CNTN6: variants seen among roughly 807,000 people sequenced by gnomAD.
CNTN6 encodes the protein contactin 6.
In CNTN6, 137 loss-of-function variants were observed where a neutral mutation model predicts 122.8. The ratio of observed to expected loss-of-function variants is 1.12; its 90% CI spans 0.97 to 1.29. The LOEUF (loss-of-function observed/expected upper bound fraction) is 1.29. Ranked by LOEUF, CNTN6 falls within the 50% of genes most tolerant of loss-of-function variation. The pLI, the probability that CNTN6 is intolerant of heterozygous loss-of-function variation, is 0.00. For missense variants in CNTN6, 1,634 were observed against 1,223.4 expected, an observed-to-expected ratio of 1.34 and a Z score of -5.01; for synonymous variants, 570 against 426.0, an observed-to-expected ratio of 1.34 and a Z score of -4.16.
intron 1 of CNTN6, among the ~76,000 whole-genome samples, chr3:1,104,476 G>A (rs766079010): frequency 2.6e-5 from 4 of 151,982 alleles, no homozygotes; most frequent in Admixed American, 6.5e-5. Flanking sequence ...ATTCATTTTC[G>A]TCAAGTGAAT....
chr3:1,102,597 C>CT (rs1553589759), intron 1 of CNTN6, among the ~76,000 whole-genome samples: 1 of 147,578 alleles, frequency 6.8e-6, no homozygotes, highest in African/African-American at 2.5e-5. Context: ...GGCGTGGTGG[C>CT]GGCGCCTGTA....
intron 5 of CNTN6, among the ~76,000 whole-genome samples, chr3:1,282,274 GT>G (rs11324894): frequency 0.31 from 46,390 of 152,060 alleles, 8,032 homozygotes; most frequent in East Asian, 0.64. Context: ...TTTCCACCCA[GT>G]TTTGAAGCAC....
intron 20 of CNTN6, among the ~76,000 whole-genome samples, chr3:1,393,573 AAGAAACT>A (rs1302586521): frequency 2.5e-5 from 2 of 79,788 alleles, no homozygotes; most frequent in South Asian, 4.5e-4. Flanking sequence ...AAAAAAAAAA[AAGAAACT>A]CTTGTGTGTA....
At chr3:1,286,718 A>T (rs1694407848) in intron 5 of CNTN6, among the ~76,000 whole-genome samples, 1 of 152,176 alleles carries the variant, frequency 6.6e-6, no homozygotes, top group Non-Finnish European at 1.5e-5. Context: ...TGTCCCAATT[A>T]AAAGACACAG....
intron 4 of CNTN6, among the ~76,000 whole-genome samples, chr3:1,270,094 C>G (rs1232064375): frequency 1.3e-5 from 2 of 152,064 alleles, no homozygotes; most frequent in Non-Finnish European, 2.9e-5. Context: ...TGTTGTGTTA[C>G]TGAGTTATGC....
At chr3:1,202,269 G>A (rs558394009) in intron 2 of CNTN6, among the ~76,000 whole-genome samples, 6 of 152,348 alleles carry the variant, frequency 3.9e-5, no homozygotes, top group Non-Finnish European at 2.9e-5. Flanking sequence ...GGCCGGGCGC[G>A]GTGGCTCACG....
chr3:1,155,698 A>C (rs1008671862), intron 2 of CNTN6, among the ~76,000 whole-genome samples: 1 of 152,160 alleles, frequency 6.6e-6, no homozygotes, highest in South Asian at 2.1e-4. Flanking sequence ...AATAATTTAA[A>C]TATTTAAACT....
At chr3:1,214,326 G>A (rs1298576405) in intron 2 of CNTN6, among the ~76,000 whole-genome samples, 2 of 8,650 alleles carry the variant, frequency 2.3e-4, no homozygotes, top group Non-Finnish European at 5.0e-4. Flanking sequence ...TTTTTTTTTT[G>A]AGACGGAGTT....
intron 2 of CNTN6, among the ~76,000 whole-genome samples, chr3:1,167,437 T>C (rs1328273989): frequency 6.6e-6 from 1 of 152,178 alleles, no homozygotes; most frequent in Non-Finnish European, 1.5e-5. Context: ...TTACTCTGTC[T>C]CCGAAGTACC....
At chr3:1,257,443 T>G (rs2094777472) in intron 4 of CNTN6, among the ~76,000 whole-genome samples, 1 of 152,086 alleles carries the variant, frequency 6.6e-6, no homozygotes, top group Non-Finnish European at 1.5e-5. Context: ...TAAAAACTAT[T>G]TTTGGTCAGC....
chr3:1,306,232 A>G (rs1698331682), intron 7 of CNTN6, among the ~76,000 whole-genome samples: 1 of 152,294 alleles, frequency 6.6e-6, no homozygotes, highest in African/African-American at 2.4e-5. Flanking sequence ...CCAGAAATGT[A>G]TACTGAAACC....
At chr3:1,321,081 A>G (rs1700779240) in intron 7 of CNTN6, among the ~76,000 whole-genome samples, 1 of 151,530 alleles carries the variant, frequency 6.6e-6, no homozygotes, top group Non-Finnish European at 1.5e-5. Context: ...GGTCTGTTTT[A>G]TAGTGCTGTT....
intron 5 of CNTN6, among the ~76,000 whole-genome samples, chr3:1,283,994 C>T (rs543516950): frequency 5.3e-5 from 8 of 152,176 alleles, no homozygotes; most frequent in African/African-American, 1.2e-4. Context: ...AGTGAGATTT[C>T]ATCTCAAAAA....
intron 11 of CNTN6, among the ~76,000 whole-genome samples, chr3:1,342,208 C>T (rs1477320862): frequency 6.6e-6 from 1 of 152,110 alleles, no homozygotes; most frequent in Admixed American, 6.6e-5. Flanking sequence ...CGGCTCACTG[C>T]AACCTCCGCC....
intron 1 of CNTN6, among the ~76,000 whole-genome samples, chr3:1,129,679 A>G (rs1339067199): frequency 1.3e-5 from 2 of 152,100 alleles, no homozygotes; most frequent in East Asian, 3.9e-4. Flanking sequence ...TAACTCCAGC[A>G]AGTTTCCAGT....
intron 1 of CNTN6, among the ~76,000 whole-genome samples, chr3:1,128,690 C>G (rs6779175): frequency 0.014 from 2,165 of 151,954 alleles, 54 homozygotes; most frequent in African/African-American, 0.049. Context: ...TTTTCCTTTT[C>G]CTTTTGAGTG....
chr3:1,268,101 C>T (rs2094955490), intron 4 of CNTN6, among the ~76,000 whole-genome samples: 1 of 152,216 alleles, frequency 6.6e-6, no homozygotes, highest in South Asian at 2.1e-4. Context: ...ACTGTCCTCC[C>T]TGCAGAACAA....
intron 2 of CNTN6, among the ~76,000 whole-genome samples, chr3:1,170,405 C>G (rs2093339608): frequency 6.6e-6 from 1 of 152,032 alleles, no homozygotes; most frequent in African/African-American, 2.4e-5. Context: ...TAAAGACCCA[C>G]AGTTAGTAGC....
At chr3:1,212,252 G>GTTT (rs74499004) in intron 2 of CNTN6, among the ~76,000 whole-genome samples, 2,152 of 118,346 alleles carry the variant, frequency 0.018, 109 homozygotes, top group African/African-American at 0.06. Flanking sequence ...AATAAAACTT[G>GTTT]TTTTTTTTTT....
Sources: gnomAD v4.1 joint callset for allele counts (sites outside exome capture counted in the v4.1 genomes callset) on GRCh38, gnomAD v4.1.1 for gene constraint, MANE v1.5 for transcripts, NCBI Gene and HGNC (gene_info 2026-07-23, HGNC 2026-07-21) for gene names.